EXPH5: variants seen among roughly 807,000 people sequenced by gnomAD.
EXPH5 encodes exophilin 5.
EXPH5 carries 42 observed loss-of-function variants against 41.1 expected under a neutral mutation model. That is an observed-to-expected ratio of 1.02 (90% CI 0.80 to 1.32). EXPH5 has a LOEUF of 1.32. EXPH5 is among the 40% of genes most tolerant of loss of function. The pLI is 0.00. For synonymous variants in EXPH5, 798 were observed against 833.5 expected (o/e 0.96, Z 0.73); for missense variants, 2,298 against 2,314.5 (o/e 0.99, Z 0.15).
Position 108,512,246 on chromosome 11 carries a change from G to A in EXPH5, c.3261C>T (p.Asp1087=), listed in dbSNP as rs1289273247. 3 of 1,610,844 alleles carry A rather than the reference G, an allele frequency of 1.9e-6. No individual in the cohort carries two copies. The Admixed American group carries it at 5.1e-5, about 27-fold the overall frequency. ...TGGCTTCAGGTGCTTCCAGGGCTGAGTCTGAAAGGACTTTGGAACATTCAT... is the reference window on the plus strand; with the variant it reads ...TGGCTTCAGGTGCTTCCAGGGCTGAATCTGAAAGGACTTTGGAACATTCAT... ...SANECSKVLS[D]SALEAPEATE... Residue 1087 remains aspartate, a synonymous_variant, in exon 6 of 6, where the codon GAC becomes GAT. Transcript: ENST00000265843.
At chr11:108,583,592 C>T (rs763794311) in intron 1 of EXPH5, among the ~76,000 whole-genome samples, 3 of 150,998 alleles carry the variant, frequency 2.0e-5, no homozygotes, top group African/African-American at 2.4e-5. Context: ...GAGGCCGAGG[C>T]GGGTGGATCA....
chr11:108,584,421 T>G (rs781589597), intron 1 of EXPH5, among the ~76,000 whole-genome samples: 13 of 151,844 alleles, frequency 8.6e-5, no homozygotes, highest in Admixed American at 1.3e-4. Context: ...GAGGTTGCAT[T>G]GAGCCAAGAT....
chr11:108,549,955 A>G (rs901040170), intron 1 of EXPH5, among the ~76,000 whole-genome samples: 3 of 152,242 alleles, frequency 2.0e-5, no homozygotes, highest in South Asian at 4.1e-4. Context: ...GTGGATGAAC[A>G]GGTACAGTCA....
At chr11:108,567,257 T>C (rs1025673152) in intron 1 of EXPH5, among the ~76,000 whole-genome samples, 4 of 152,230 alleles carry the variant, frequency 2.6e-5, no homozygotes, top group Admixed American at 2.6e-4. Flanking sequence ...CCAATATTGA[T>C]ATGAACAGTC....
chr11:108,556,297 T>C (rs565358555), intron 1 of EXPH5, among the ~76,000 whole-genome samples: 3 of 152,254 alleles, frequency 2.0e-5, no homozygotes, highest in African/African-American at 7.2e-5. Context: ...TCTTTTTTTT[T>C]TTTGGAAAAG....
chr11:108,566,310 A>T (rs55645834), intron 1 of EXPH5, among the ~76,000 whole-genome samples: 1 of 152,074 alleles, frequency 6.6e-6, no homozygotes, highest in Non-Finnish European at 1.5e-5. Context: ...TCATTCCCCA[A>T]TGGATGAGTG....
At chr11:108,577,045 G>A (rs1475601874) in intron 1 of EXPH5, among the ~76,000 whole-genome samples, 1 of 152,072 alleles carries the variant, frequency 6.6e-6, no homozygotes, top group Admixed American at 6.6e-5. Flanking sequence ...CATCTATATT[G>A]TTGCAAATCA....
rs1183872536 is a variant in EXPH5 at position 108,565,393 on chromosome 11, T to C, written c.120-23581A>G. Among the ~76,000 whole-genome samples the C allele has an allele frequency of 2.0e-5, 3 of 152,218 alleles. No individual in the cohort carries two copies. In the South Asian group the frequency reaches 6.2e-4, roughly 32 times the overall value. On this transcript the variant is annotated intron_variant, in intron 1 of 5. Transcript: ENST00000265843. ...ATTTCACACTAACTGGGGACTCAGA[T>C]TGGCCACTACAGCACACCACAGATC...
chr11:108,589,601 T>A (rs2094122607), intron 1 of EXPH5, among the ~76,000 whole-genome samples: 2 of 152,206 alleles, frequency 1.3e-5, no homozygotes, highest in African/African-American at 4.8e-5. Flanking sequence ...AACATCTGGT[T>A]CTGATGCCAG....
intron 1 of EXPH5, among the ~76,000 whole-genome samples, chr11:108,568,915 C>T (rs371880171): frequency 1.2e-4 from 18 of 152,308 alleles, no homozygotes; most frequent in African/African-American, 4.3e-4. Context: ...TGGCCATCCA[C>T]CTAATTTGAC....
intron 1 of EXPH5, among the ~76,000 whole-genome samples, chr11:108,554,465 A>G (rs1048415914): frequency 2.6e-5 from 4 of 152,190 alleles, no homozygotes; most frequent in Admixed American, 6.5e-5. Flanking sequence ...TGTGAGGACT[A>G]CTGGAGTTAA....
intron 1 of EXPH5, among the ~76,000 whole-genome samples, chr11:108,548,662 T>C (rs948256857): frequency 1.3e-5 from 2 of 152,164 alleles, no homozygotes; most frequent in Non-Finnish European, 2.9e-5. Context: ...AACGATGACA[T>C]AAAAGTCTAA....
At chr11:108,579,169 G>C (rs1303444428) in intron 1 of EXPH5, among the ~76,000 whole-genome samples, 1 of 150,880 alleles carries the variant, frequency 6.6e-6, no homozygotes, top group Non-Finnish European at 1.5e-5. Context: ...TTGTTTTGAG[G>C]TATGCTCCTT....
At position 108,528,843 on chromosome 11, in the gene EXPH5, C is replaced by T. The variant is rs187930417; in HGVS notation, c.444-659G>A. ...TCAGCCTCCCGAATGGCTGGGATTA[C>T]AGGCGCCTGCCACCATGCCTGGCTA... On this transcript the variant is annotated intron_variant, in intron 3 of 5. Transcript: ENST00000265843. Among the ~76,000 whole-genome samples the T allele has an allele frequency of 7.8e-3, 1,190 of 151,912 alleles. 17 individuals carry two copies. Among genetic ancestry groups the T allele is most frequent in the African/African-American group, 0.027 (1,119 of 41,416 alleles).
At chr11:108,515,928 C>T (rs1219246922) in intron 5 of EXPH5, among the ~76,000 whole-genome samples, 9 of 151,830 alleles carry the variant, frequency 5.9e-5, no homozygotes, top group South Asian at 2.1e-4. Flanking sequence ...AAAAATTAGC[C>T]GGGCGTGGTG....
At chr11:108,541,018 C>T (rs1290872659) in intron 2 of EXPH5, among the ~76,000 whole-genome samples, 1 of 152,118 alleles carries the variant, frequency 6.6e-6, no homozygotes, top group Non-Finnish European at 1.5e-5. Context: ...GATCCTCCTG[C>T]CTCAGCCTCC....
chr11:108,530,413 A>G (rs995313532), intron 3 of EXPH5, among the ~76,000 whole-genome samples: 1 of 152,200 alleles, frequency 6.6e-6, no homozygotes. Flanking sequence ...AGTAAAATGC[A>G]TGGGAAATGC....
At position 108,510,122 on chromosome 11, in the gene EXPH5, CTT is replaced by C; in HGVS notation, c.5383_5384del (p.Lys1795GlufsTer6). 6.2e-7 allele frequency: 1 copy of C among 1,613,826 alleles called. No individual in the cohort carries two copies. The highest frequency in any genetic ancestry group is 8.5e-7 in the Non-Finnish European group (1 of 1,180,010). ...CATGAACATTAATGCTTTTTAAACT[CTT>C]TGAACGATAGAGGTGTGGCTCAGGT... is the stretch of plus-strand genomic sequence containing the variant. ...WEPEPHLYRS[K>X]SLKSINVHGD... On this transcript the variant is annotated frameshift_variant, in exon 6 of 6. Transcript: ENST00000265843. LOFTEE classifies it high-confidence loss of function.
chr11:108,563,310 A>G (rs2094020732), intron 1 of EXPH5, among the ~76,000 whole-genome samples: 1 of 152,160 alleles, frequency 6.6e-6, no homozygotes, highest in Non-Finnish European at 1.5e-5. Context: ...ATCAGCCCTC[A>G]TTTCCAGGGT....
Sources: gnomAD v4.1 joint callset for allele counts (sites outside exome capture counted in the v4.1 genomes callset) on GRCh38, gnomAD v4.1.1 for gene constraint, MANE v1.5 for transcripts, NCBI Gene and HGNC (gene_info 2026-07-23, HGNC 2026-07-21) for gene names.